Variants in RPS6KC1 observed in about 807,000 individuals in gnomAD.
The protein encoded by RPS6KC1 is ribosomal protein S6 kinase C1.
RPS6KC1 carries 54 observed loss-of-function variants against 103.8 expected under a neutral mutation model. The observed-to-expected ratio is 0.52, with a 90% CI of 0.42 to 0.65. The LOEUF (loss-of-function observed/expected upper bound fraction) is 0.65, where lower values mean the gene tolerates loss of function less well. RPS6KC1 is among the 30% of genes least tolerant of loss of function. The pLI, the probability that RPS6KC1 is intolerant of heterozygous loss-of-function variation, is 0.00. For missense variants in RPS6KC1, 1,151 were observed against 1,253.8 expected, an observed-to-expected ratio of 0.92 and a Z score of 1.24; for synonymous variants, 439 against 438.7, an observed-to-expected ratio of 1.00 and a Z score of -0.01.
the RPS6KC1 span, among the ~76,000 whole-genome samples, chr1:213,704,385 CAAAAAAAAAAAA>C: frequency 0.013 from 365 of 27,666 alleles, 6 homozygotes; most frequent in African/African-American, 0.033. Flanking sequence ...GACTCCGTCT[CAAAAAAAAAAAA>C]AAAAAAAAAA....
chr1:213,342,203 G>A, the RPS6KC1 span, among the ~76,000 whole-genome samples: 5 of 152,084 alleles, frequency 3.3e-5, no homozygotes, highest in African/African-American at 4.8e-5. Context: ...TTTCAAAGAC[G>A]TTCAAAAGGG....
chr1:213,483,385 T>C, the RPS6KC1 span, among the ~76,000 whole-genome samples: 17 of 152,346 alleles, frequency 1.1e-4, no homozygotes, highest in African/African-American at 4.1e-4. Flanking sequence ...TCCTTTTTTA[T>C]GGATATAACA....
chr1:213,214,096 G>A (rs2093591377), intron 8 of RPS6KC1, among the ~76,000 whole-genome samples: 1 of 125,318 alleles, frequency 8.0e-6, no homozygotes, highest in Non-Finnish European at 1.8e-5. Context: ...CACCTGGGAA[G>A]CGCAAGGGGT....
chr1:213,743,677 G>T, the RPS6KC1 span, among the ~76,000 whole-genome samples: 7 of 152,172 alleles, frequency 4.6e-5, no homozygotes, highest in Non-Finnish European at 1.0e-4. Context: ...CTACAGAAAA[G>T]CTGGCAAGTA....
chr1:213,248,516 T>G (rs948920780), intron 12 of RPS6KC1, among the ~76,000 whole-genome samples: 4 of 152,140 alleles, frequency 2.6e-5, no homozygotes, highest in Non-Finnish European at 5.9e-5. Flanking sequence ...TGAAGAAAAT[T>G]TCTTGATACA....
At chr1:213,403,497 T>A in the RPS6KC1 span, among the ~76,000 whole-genome samples, 1 of 152,186 alleles carries the variant, frequency 6.6e-6, no homozygotes, top group Non-Finnish European at 1.5e-5. Flanking sequence ...TCCCTTTACC[T>A]TGCCCACGTC....
At chr1:213,780,657 A>G in the RPS6KC1 span, among the ~76,000 whole-genome samples, 1 of 152,286 alleles carries the variant, frequency 6.6e-6, no homozygotes, top group Admixed American at 6.5e-5. Context: ...CATGAGCTGG[A>G]AAAGAAGAAG....
intron 12 of RPS6KC1, among the ~76,000 whole-genome samples, chr1:213,252,462 A>C (rs1182524515): frequency 1.3e-5 from 2 of 152,218 alleles, no homozygotes; most frequent in Non-Finnish European, 2.9e-5. Context: ...AACATTTCTA[A>C]TTGAACACTT....
At chr1:213,560,068 A>C in the RPS6KC1 span, among the ~76,000 whole-genome samples, 1 of 152,192 alleles carries the variant, frequency 6.6e-6, no homozygotes, top group Non-Finnish European at 1.5e-5. Flanking sequence ...AGCAAGCAAC[A>C]TGAACATCAA....
At chr1:213,535,146 T>C in the RPS6KC1 span, among the ~76,000 whole-genome samples, 1 of 152,208 alleles carries the variant, frequency 6.6e-6, no homozygotes, top group African/African-American at 2.4e-5. Flanking sequence ...TCTTTAGACA[T>C]TGGGCCCATG....
rs1311867260 is a variant in RPS6KC1, at chr1:213,216,836, A to G, written c.1045-13661A>G. On this transcript the variant is annotated intron_variant, in intron 8 of 14. Coordinates refer to ENST00000366960, the MANE Select transcript of RPS6KC1 (RefSeq NM_012424.6). Reference sequence around the variant, plus strand: ...CTTTCAAACCAACGAGAACAAAGACATAACATACCAGAATCTCTGGGACAC... The same window carrying G: ...CTTTCAAACCAACGAGAACAAAGACGTAACATACCAGAATCTCTGGGACAC... 5.9e-5 allele frequency among the ~76,000 whole-genome samples: 9 copies of G among 152,244 alleles called. No individual in the cohort carries two copies. The East Asian group carries it at 1.5e-3, about 26-fold the overall frequency.
the RPS6KC1 span, among the ~76,000 whole-genome samples, chr1:213,803,340 G>A: frequency 7.0e-5 from 10 of 143,290 alleles, no homozygotes; most frequent in Non-Finnish European, 9.0e-5. Flanking sequence ...TCTGCCTCCC[G>A]CGTTCAAGTG....
chr1:213,772,351 C>A, the RPS6KC1 span, among the ~76,000 whole-genome samples: 1 of 152,180 alleles, frequency 6.6e-6, no homozygotes, highest in East Asian at 1.9e-4. Flanking sequence ...GCGCAGGACA[C>A]AATGGCAAAT....
the RPS6KC1 span, among the ~76,000 whole-genome samples, chr1:213,805,122 G>A: frequency 2.6e-5 from 4 of 152,304 alleles, no homozygotes; most frequent in East Asian, 7.7e-4. Flanking sequence ...TGAGCCTTCA[G>A]CGAATTGGCA....
intron 1 of RPS6KC1, among the ~76,000 whole-genome samples, chr1:213,069,675 CT>C (rs891623509): frequency 3.3e-5 from 5 of 152,028 alleles, no homozygotes; most frequent in African/African-American, 4.8e-5. Context: ...TTTGATTTAT[CT>C]TTTTTTAAAA....
At position 213,171,010 on chromosome 1, in the gene RPS6KC1, C is replaced by G. The variant is rs865779323; in HGVS notation, c.951+3037C>G. ...TGGTTGATTAAGACAATAAAGGAAC[C>G]CTTTTTGGCTTTTTAAATTTTTGTT... On this transcript the variant is annotated intron_variant, in intron 7 of 14. Transcript: ENST00000366960. 1.2e-4 allele frequency among the ~76,000 whole-genome samples: 19 copies of G among 152,080 alleles called. No homozygotes were observed. The South Asian group carries it at 1.9e-3, about 15-fold the overall frequency.
chr1:213,151,976 G>T, intron 6 of RPS6KC1, among the ~76,000 whole-genome samples: 1 of 123,954 alleles, frequency 8.1e-6, no homozygotes, highest in African/African-American at 3.3e-5. Context: ...CGGGCAGAGG[G>T]GCTCCTCACT....
the RPS6KC1 span, among the ~76,000 whole-genome samples, chr1:213,603,522 C>T: frequency 7.9e-5 from 12 of 152,074 alleles, no homozygotes; most frequent in Non-Finnish European, 1.0e-4. Flanking sequence ...AACATCCAAG[C>T]GGCTTCATCT....
the RPS6KC1 span, among the ~76,000 whole-genome samples, chr1:213,586,987 T>G: frequency 8.5e-5 from 13 of 152,176 alleles, no homozygotes; most frequent in Non-Finnish European, 1.5e-4. Context: ...GCAAGTCACC[T>G]TCGGGGGTGA....
Sources: allele counts gnomAD v4.1 joint callset (sites outside exome capture counted in the v4.1 genomes callset), GRCh38; gene constraint gnomAD v4.1.1; transcripts MANE v1.5; gene names NCBI Gene and HGNC (gene_info 2026-07-23, HGNC 2026-07-21).